FOXN4: variants seen among roughly 807,000 people sequenced by gnomAD.
The protein encoded by FOXN4 is forkhead box N4.
FOXN4 carries 12 observed loss-of-function variants against 45.0 expected under a neutral mutation model. That is an observed-to-expected ratio of 0.27 (90% CI 0.17 to 0.43). The LOEUF is 0.43. FOXN4 is among the 20% of genes least tolerant of loss of function. The probability of loss-of-function intolerance (pLI) is 1.00; values close to 1 mark genes in which losing one functional copy is unlikely to be tolerated. For synonymous variants in FOXN4, 297 were observed against 295.0 expected, an observed-to-expected ratio of 1.01 and a Z score of -0.07; for missense variants, 560 against 694.9, an observed-to-expected ratio of 0.81 and a Z score of 2.18.
chr12:109,295,400 T>C (rs1252770273), intron 2 of FOXN4, among the ~76,000 whole-genome samples: 1 of 152,138 alleles, frequency 6.6e-6, no homozygotes, highest in South Asian at 2.1e-4. Context: ...GAGAGGAAAA[T>C]TCAGCCCTGC....
In FOXN4 at chr12:109,309,100, C is replaced by A. The variant is rs889110623; in HGVS notation, c.-4+19G>T. The A allele has an allele frequency of 1.3e-5, 2 of 152,124 alleles. No individual in the cohort carries two copies. Among genetic ancestry groups the A allele is most frequent in the Non-Finnish European group, 2.9e-5 (2 of 68,014 alleles). 9.4% of individuals were successfully genotyped at this position (152,124 alleles called of 1,614,324 possible). A position where few individuals can be genotyped will look rare whatever the true frequency, so the allele number is the denominator to read the frequency against. On this transcript the variant is annotated intron_variant, in intron 1 of 9. Transcript: ENST00000299162. The surrounding 1 kb of genome is among the most constrained non-coding windows in gnomAD (Gnocchi z 5.0). ...ATTGCCCGGGAGGAGGGAGCAAAGC[C>A]GACCCTGCAAGGCGGTACCTGGAGC...
intron 8 of FOXN4, among the ~76,000 whole-genome samples, chr12:109,284,433 G>A (rs2047682124): frequency 6.9e-6 from 1 of 145,478 alleles, no homozygotes; most frequent in Admixed American, 6.7e-5. Context: ...CGCGTGGTGT[G>A]TGTGTGCATG....
chr12:109,304,291 GAAA>G lies in FOXN4; in HGVS notation c.86+3942_86+3944del, dbSNP rs1566005732. Among the ~76,000 whole-genome samples the G allele has an allele frequency of 4.3e-3, 191 of 44,590 alleles. 8 individuals carry two copies. Among genetic ancestry groups the G allele is most frequent in the Admixed American group, 9.8e-3 (37 of 3,766 alleles). The allele number at this position is 44,590 out of a possible 152,430, so 29.3% of individuals were successfully genotyped here. A position where few individuals can be genotyped will look rare whatever the true frequency, so the allele number is the denominator to read the frequency against. Reference sequence around the variant, plus strand: ...AGAAAGAAAGAAAGAAAGAAAGAAAGAAAGGAGAAAGAAAGAAGGAAAGAAGGA... The same window carrying G: ...AGAAAGAAAGAAAGAAAGAAAGAAAGGGAGAAAGAAAGAAGGAAAGAAGGA... On this transcript the variant is annotated intron_variant, in intron 2 of 9. Coordinates refer to ENST00000299162, the MANE Select transcript of FOXN4 (RefSeq NM_213596.3).
At position 109,287,701 on chromosome 12, in the gene FOXN4, G is replaced by A. The variant is rs1201298821; in HGVS notation, c.468+143C>T. 9 of 1,118,908 alleles carry A rather than the reference G, an allele frequency of 8.0e-6. No individual in the cohort carries two copies. Among genetic ancestry groups the A allele is most frequent in the Non-Finnish European group, 1.2e-6 (1 of 805,442 alleles). The allele number at this position is 1,118,908 out of a possible 1,614,324, so 69.3% of individuals were successfully genotyped here. ...TCAGGGCAGGAGTTTTGGGGGAACG[G>A]AATGAATGACCCCATGACATGAGCA... On this transcript the variant is annotated intron_variant, in intron 5 of 9. Coordinates refer to ENST00000299162, the MANE Select transcript of FOXN4 (RefSeq NM_213596.3). The surrounding 1 kb of genome is among the most constrained non-coding windows in gnomAD (Gnocchi z 4.1).
In FOXN4 at chr12:109,291,831, G is replaced by A. The variant is rs753627649; in HGVS notation, c.87-1545C>T. Among the ~76,000 whole-genome samples the A allele has an allele frequency of 2.6e-5, 4 of 152,220 alleles. No individual in the cohort carries two copies. The highest frequency in any genetic ancestry group is 1.9e-4 in the East Asian group (1 of 5,146). On this transcript the variant is annotated intron_variant, in intron 2 of 9. Transcript: ENST00000299162. This position sits in a 1 kb window ranked among gnomAD's most constrained non-coding sequence, Gnocchi z 6.6. ...GCAGTTGGTCCGGCTGCTGTCCCCC[G>A]GCATCCCATTGTGTGACAAACGACT...
intron 8 of FOXN4, among the ~76,000 whole-genome samples, chr12:109,284,558 C>CGTGT (rs144054293): frequency 0.037 from 5,480 of 148,384 alleles, 321 homozygotes; most frequent in African/African-American, 0.13. Context: ...TGTGTGCGCA[C>CGTGT]GTGTGTGTGC....
rs2047766508 is a variant in FOXN4 at position 109,291,347 on chromosome 12, A to AGGGGCTT, written c.87-1062_87-1061insAAGCCCC. Among the ~76,000 whole-genome samples, 3 of 151,836 alleles carry AGGGGCTT rather than the reference A, an allele frequency of 2.0e-5. No individual in the cohort carries two copies. The highest frequency in any genetic ancestry group is 6.6e-5 in the Admixed American group (1 of 15,234). On this transcript the variant is annotated intron_variant, in intron 2 of 9. Transcript: ENST00000299162. This position sits in a 1 kb window ranked among gnomAD's most constrained non-coding sequence, Gnocchi z 6.6. ...AGGAGCACACGCCCGACTCCACCAC[A>AGGGGCTT]TCTGCCACCCCTGTAGCCAGGGGCT...
In FOXN4 at chr12:109,290,360, G is replaced by C. The variant is rs1037365515; in HGVS notation, c.87-74C>G. 1.4e-6 allele frequency: 2 copies of C among 1,447,534 alleles called. No individual in the cohort carries two copies. Among genetic ancestry groups the C allele is most frequent in the Non-Finnish European group, 1.8e-6 (2 of 1,092,732 alleles). 89.7% of individuals were successfully genotyped at this position (1,447,534 alleles called of 1,614,324 possible). A position where few individuals can be genotyped will look rare whatever the true frequency, so the allele number is the denominator to read the frequency against. ...CTCCTGGGGGTGCGTCCCGACCTCT[G>C]GAAGCACCCGCTTAATGTGCCTCAT... On this transcript the variant is annotated intron_variant, in intron 2 of 9. Coordinates refer to ENST00000299162, the MANE Select transcript of FOXN4 (RefSeq NM_213596.3). The surrounding 1 kb of genome is among the most constrained non-coding windows in gnomAD (Gnocchi z 5.1).
intron 2 of FOXN4, among the ~76,000 whole-genome samples, chr12:109,304,182 C>A (rs1181803093): frequency 8.3e-6 from 1 of 120,890 alleles, no homozygotes; most frequent in African/African-American, 3.1e-5. Flanking sequence ...TAGAGCCAGA[C>A]TCCGTCAAAA....
At chr12:109,281,891 G>C (rs2047656986) in intron 8 of FOXN4, 92 bp from the exon 9 acceptor site, 1 of 1,408,440 alleles carries the variant, frequency 7.1e-7, no homozygotes, top group Admixed American at 2.7e-5. Flanking sequence ...GTCACCACCT[G>C]TGTGACCTTA....
rs192847597 is a variant in FOXN4, at chr12:109,289,762, G to A, written c.232+379C>T. Among the ~76,000 whole-genome samples the A allele has an allele frequency of 2.4e-4, 36 of 152,258 alleles. No individual in the cohort carries two copies. In the East Asian group the frequency reaches 6.8e-3, roughly 29 times the overall value. ...TATTTCAGGCTTTGCCAGCCAGATGGTCTCTGTGTTTTTACAACCCTTGGA... is the reference window on the plus strand; with the variant it reads ...TATTTCAGGCTTTGCCAGCCAGATGATCTCTGTGTTTTTACAACCCTTGGA... On this transcript the variant is annotated intron_variant, in intron 3 of 9. Transcript: ENST00000299162.
chr12:109,306,868 G>A (rs1049185690), intron 2 of FOXN4, among the ~76,000 whole-genome samples: 7 of 152,218 alleles, frequency 4.6e-5, no homozygotes, highest in Admixed American at 3.9e-4. Flanking sequence ...AAATCACTTG[G>A]CATTATTTAA....
chr12:109,289,381 A>C (rs2047745057), intron 3 of FOXN4, among the ~76,000 whole-genome samples: 1 of 152,250 alleles, frequency 6.6e-6, no homozygotes, highest in Admixed American at 6.5e-5. Context: ...TACAAAATCT[A>C]AAATATTTAC....
At position 109,287,664 on chromosome 12, in the gene FOXN4, T is replaced by C; in HGVS notation, c.469-140A>G. 1 of 1,270,376 alleles carries C rather than the reference T, an allele frequency of 7.9e-7. No homozygotes were observed. The highest frequency in any genetic ancestry group is 1.1e-6 in the Non-Finnish European group (1 of 938,744). 78.7% of individuals were successfully genotyped at this position (1,270,376 alleles called of 1,614,324 possible). A position where few individuals can be genotyped will look rare whatever the true frequency, so the allele number is the denominator to read the frequency against. On this transcript the variant is annotated intron_variant, in intron 5 of 9. Transcript: ENST00000299162. This position sits in a 1 kb window ranked among gnomAD's most constrained non-coding sequence, Gnocchi z 4.1. ...GGATTCACAACCGTCCAGGAAACAA[T>C]CTTGTCTCCACTCAGGGCAGGAGTT... is the stretch of plus-strand genomic sequence containing the variant.
chr12:109,295,061 T>C (rs1317442752), intron 2 of FOXN4, among the ~76,000 whole-genome samples: 3 of 152,096 alleles, frequency 2.0e-5, no homozygotes, highest in Admixed American at 1.3e-4. Context: ...GTTTCCCACC[T>C]GTAAAATGGG....
chr12:109,279,847 G>A lies in FOXN4; in HGVS notation c.1378C>T (p.Leu460=), dbSNP rs1187805900. ...AFADSPLGCD[L]GASGLTPASG... ...GCAGGGGTTAGGCCTGAGGCCCCCA[G>A]GTCACAGCCAAGCGGGGAGTCTGCA... Residue 460 remains leucine, a synonymous_variant, in exon 10 of 10, where the codon CTG becomes TTG. Transcript: ENST00000299162. The A allele has an allele frequency of 5.6e-6, 9 of 1,613,926 alleles. No individual in the cohort carries two copies. Among genetic ancestry groups the A allele is most frequent in the Non-Finnish European group, 6.8e-6 (8 of 1,179,856 alleles).
chr12:109,280,407 C>A (rs12300195), intron 9 of FOXN4, among the ~76,000 whole-genome samples: 4,638 of 151,084 alleles, frequency 0.031, 231 homozygotes, highest in African/African-American at 0.11. Flanking sequence ...GGGCCCTCAC[C>A]TTCCCACTGA....
Position 109,279,690 on chromosome 12 carries a change from T to A in FOXN4, c.1535A>T (p.Lys512Met). ...GACAGCTCAAAGCAGGGCTATAGGC[T>A]TGTTCCCCTGTGCACCCAGGTACTG... ...SSQYLGAQGN[K>M]PIALL Residue 512 changes from lysine (K) to methionine (M), a missense_variant, in exon 10 of 10, where the codon AAG becomes ATG. Physicochemically the swap from Lys to Met is moderately conservative, Grantham distance 95 (BLOSUM62 -1). Around this residue, in one of 5 missense-constraint regions of FOXN4, gnomAD observed 315 missense variants for 350.5 expected, o/e 0.90. Transcript: ENST00000299162. 6.4e-7 allele frequency: 1 copy of A among 1,574,280 alleles called. No individual in the cohort carries two copies. The highest frequency in any genetic ancestry group is 8.6e-7 in the Non-Finnish European group (1 of 1,160,498).
intron 2 of FOXN4, among the ~76,000 whole-genome samples, chr12:109,292,564 T>C (rs780451358): frequency 2.6e-4 from 40 of 152,196 alleles, no homozygotes; most frequent in Middle Eastern, 6.3e-3. Context: ...AAATATGTAA[T>C]TGTATGTAAA....
Sources: gnomAD v4.1 joint callset for allele counts (sites outside exome capture counted in the v4.1 genomes callset) on GRCh38, gnomAD v4.1.1 for gene constraint, gnomAD v4.1.1 regional missense constraint, Gnocchi (gnomAD v3.1) non-coding constraint, MANE v1.5 for transcripts, NCBI Gene and HGNC (gene_info 2026-07-23, HGNC 2026-07-21) for gene names.